Variants in STEAP3 observed in about 807,000 individuals in gnomAD.
STEAP3 encodes STEAP3 metalloreductase.
STEAP3 carries 35 observed loss-of-function variants against 34.9 expected under a neutral mutation model. The ratio of observed to expected loss-of-function variants is 1.00; its 90% CI spans 0.76 to 1.33. The LOEUF (loss-of-function observed/expected upper bound fraction) is 1.33, where lower values mean the gene tolerates loss of function less well. STEAP3 is among the 40% of genes most tolerant of loss of function. The pLI is 0.00. For missense variants in STEAP3, 652 were observed against 667.6 expected (o/e 0.98, Z 0.26); for synonymous variants, 281 against 301.6 (o/e 0.93, Z 0.71).
intron 4 of STEAP3, among the ~76,000 whole-genome samples, chr2:119,249,300 C>A (rs1472888518): frequency 6.6e-6 from 1 of 152,150 alleles, no homozygotes; most frequent in East Asian, 1.9e-4. Context: ...CAGCTGGCAC[C>A]TGTGCCCACA....
intron 5 of STEAP3, among the ~76,000 whole-genome samples, chr2:119,261,976 G>C (rs529693180): frequency 1.2e-4 from 18 of 152,296 alleles, no homozygotes; most frequent in African/African-American, 4.1e-4. Context: ...ATCTCCTCCA[G>C]ATGGAAGAGT....
Position 119,230,634 on chromosome 2 carries a change from T to G in STEAP3, c.-379T>G. 6.3e-6 allele frequency: 2 copies of G among 315,784 alleles called. No homozygotes were observed. The highest frequency in any genetic ancestry group is 1.2e-5 in the Non-Finnish European group (2 of 163,702). 19.6% of individuals were successfully genotyped at this position (315,784 alleles called of 1,614,324 possible). A position where few individuals can be genotyped will look rare whatever the true frequency, so the allele number is the denominator to read the frequency against. ...GCGCGCGTTAGATGACATTTATTCATTTTATGCATCCTGGGTTCTACTGGT... is the reference window on the plus strand; with the variant it reads ...GCGCGCGTTAGATGACATTTATTCAGTTTATGCATCCTGGGTTCTACTGGT... On this transcript the variant is annotated 5_prime_UTR_variant, in exon 2 of 6. Transcript: ENST00000393110.
Position 119,245,594 on chromosome 2 carries a change from T to A in STEAP3, c.128T>A (p.Ile43Asn), listed in dbSNP as rs770498199. ...CCCGATGAGGCCCCCAAAGTGGGCA[T>A]CCTGGGTAGCGGGGACTTTGCCCGC... ...KVPDEAPKVG[I>N]LGSGDFARSL... is the part of the protein sequence containing the mutation. The change falls in exon 3 of 6, where the codon ATC becomes AAC. Residue 43 changes from isoleucine (I) to asparagine (N), a missense_variant. Coordinates refer to ENST00000393110, the MANE Select transcript of STEAP3 (RefSeq NM_182915.3). 15 of 1,607,722 alleles carry A rather than the reference T, an allele frequency of 9.3e-6. No individual in the cohort carries two copies. The South Asian group carries it at 1.5e-4, about 16-fold the overall frequency.
intron 2 of STEAP3, among the ~76,000 whole-genome samples, chr2:119,242,436 T>C (rs1035247901): frequency 6.6e-6 from 1 of 152,080 alleles, no homozygotes; most frequent in Non-Finnish European, 1.5e-5. Context: ...TGAATTCACC[T>C]CGGCCCAAAT....
At position 119,263,364 on chromosome 2, in the gene STEAP3, C is replaced by T. The variant is rs753232184; in HGVS notation, c.*26C>T. On this transcript the variant is annotated 3_prime_UTR_variant, in exon 6 of 6. Transcript: ENST00000393110. ...GGTGCCTGCCCTGGGCTCTGGACCC[C>T]GGGCACACGAGGGACGGTGCCCTGA... 43 of 1,604,146 alleles carry T rather than the reference C, an allele frequency of 2.7e-5. No homozygotes were observed. The highest frequency in any genetic ancestry group is 6.7e-5 in the African/African-American group (5 of 74,628).
In STEAP3 at chr2:119,230,602, T is replaced by G; in HGVS notation, c.-393-18T>G. 5 of 213,238 alleles carry G rather than the reference T, an allele frequency of 2.3e-5. No individual in the cohort carries two copies. Among genetic ancestry groups the G allele is most frequent in the East Asian group, 9.9e-5 (1 of 10,138 alleles). 13.2% of individuals were successfully genotyped at this position (213,238 alleles called of 1,614,324 possible). ...TCTCCCTTTCTCTCTCTCGCTCACG[T>G]GTGTGTGCGCGCGTTAGATGACATT... On this transcript the variant is annotated intron_variant, in intron 1 of 5. Transcript: ENST00000393110.
chr2:119,254,832 A>C lies in STEAP3; in HGVS notation c.1199A>C (p.Glu400Ala), dbSNP rs1266169860. ...PSIANSLNWR[E>A]FSFVQSSLGF... is the part of the protein sequence containing the mutation. Reference sequence around the variant, plus strand: ...ATTGCAAACTCGCTCAACTGGAGGGAGTTCAGCTTCGTTCAGGTAAAGTAG... The same window carrying C: ...ATTGCAAACTCGCTCAACTGGAGGGCGTTCAGCTTCGTTCAGGTAAAGTAG... Residue 400 changes from glutamate (E) to alanine (A), a missense_variant, in exon 5 of 6, where the codon GAG (glutamate) becomes GCG (alanine). Coordinates refer to ENST00000393110, the MANE Select transcript of STEAP3 (RefSeq NM_182915.3). 1.2e-6 allele frequency: 2 copies of C among 1,614,008 alleles called. No homozygotes were observed. Among genetic ancestry groups the C allele is most frequent in the Non-Finnish European group, 1.7e-6 (2 of 1,179,988 alleles).
At chr2:119,240,772 C>G in intron 2 of STEAP3, among the ~76,000 whole-genome samples, 1 of 152,154 alleles carries the variant, frequency 6.6e-6, no homozygotes, top group Non-Finnish European at 1.5e-5. Context: ...CAGGCCTCGG[C>G]CCACAGAGCT....
intron 5 of STEAP3, among the ~76,000 whole-genome samples, chr2:119,257,229 A>G (rs77778432): frequency 0.075 from 11,394 of 152,306 alleles, 442 homozygotes; most frequent in Middle Eastern, 0.12. Context: ...GTTATATGGA[A>G]TTGCTAGTTT....
At chr2:119,254,185 C>T (rs953207846) in intron 4 of STEAP3, among the ~76,000 whole-genome samples, 18 of 151,614 alleles carry the variant, frequency 1.2e-4, no homozygotes, top group Non-Finnish European at 2.2e-4. Flanking sequence ...AAGGTGTGAG[C>T]TCATTGGCTG....
At position 119,247,946 on chromosome 2, in the gene STEAP3, G is replaced by A. The variant is rs767495306; in HGVS notation, c.790G>A (p.Val264Met). 49 of 1,613,444 alleles carry A rather than the reference G, an allele frequency of 3.0e-5. No individual in the cohort carries two copies. Among genetic ancestry groups the A allele is most frequent in the Admixed American group, 5.0e-5 (3 of 60,010 alleles). ...QNKFFKLPVS[V>M]VNTTLPCVAY... ...CAAGTTCTTCAAGCTGCCCGTGTCC[G>A]TGGTCAACACCACACTGCCGTGCGT... The change falls in exon 4 of 6, where the codon GTG becomes ATG. Residue 264 changes from valine (V) to methionine (M), a missense_variant. Transcript: ENST00000393110.
At chr2:119,232,792 GC>G (rs1299792141) in intron 2 of STEAP3, among the ~76,000 whole-genome samples, 2 of 151,952 alleles carry the variant, frequency 1.3e-5, no homozygotes, top group South Asian at 2.1e-4. Context: ...GGGGAGTAGG[GC>G]CCCCCACCAC....
chr2:119,248,254 G>T lies in STEAP3; in HGVS notation c.1050+48G>T. The T allele has an allele frequency of 2.7e-6, 4 of 1,492,692 alleles. No homozygotes were observed. In the Admixed American group the frequency reaches 6.0e-5, roughly 22 times the overall value. 92.5% of individuals were successfully genotyped at this position (1,492,692 alleles called of 1,614,324 possible). ...CCCTCTGGCAACTCAGCACATGCTT[G>T]TCCAGCACCTCCCCCCCCCACCAAC... On this transcript the variant is annotated intron_variant, in intron 4 of 5. Transcript: ENST00000393110.
intron 1 of STEAP3, among the ~76,000 whole-genome samples, 164 bp downstream of exon 1, chr2:119,224,052 C>T (rs1053648654): frequency 6.6e-6 from 1 of 152,236 alleles, no homozygotes; most frequent in African/African-American, 2.4e-5. Context: ...CGCCCGGCGG[C>T]AGAGAAACCG....
chr2:119,261,108 C>T (rs568171921), intron 5 of STEAP3, among the ~76,000 whole-genome samples: 4 of 152,280 alleles, frequency 2.6e-5, no homozygotes, highest in South Asian at 2.1e-4. Context: ...CACTCACTGA[C>T]GTTCACTGTC....
Position 119,230,897 on chromosome 2 carries a change from C to T in STEAP3, c.-116C>T, listed in dbSNP as rs907897032. The stretch of plus-strand genomic sequence containing the variant: ...GCAGGGCCCTCGCCTCCTGAGAAAC[C>T]GAGAGTCAGAACCAAAGCCAGGCTG... On this transcript the variant is annotated 5_prime_UTR_variant, in exon 2 of 6. Coordinates refer to ENST00000393110, the MANE Select transcript of STEAP3 (RefSeq NM_182915.3). 4.0e-5 allele frequency: 58 copies of T among 1,439,698 alleles called. No individual in the cohort carries two copies. The highest frequency in any genetic ancestry group is 3.3e-4 in the African/African-American group (24 of 71,854). The allele number at this position is 1,439,698 out of a possible 1,614,324, so 89.2% of individuals were successfully genotyped here.
intron 1 of STEAP3, among the ~76,000 whole-genome samples, chr2:119,227,822 T>TTATTTA (rs1679088943): frequency 6.6e-6 from 1 of 150,990 alleles, no homozygotes; most frequent in Non-Finnish European, 1.5e-5. Context: ...ATTTATTTAT[T>TTATTTA]TATTTATTTA....
In STEAP3 at chr2:119,231,147, C is replaced by T. The variant is rs542716252; in HGVS notation, c.22+113C>T. On this transcript the variant is annotated intron_variant, in intron 2 of 5. Coordinates refer to ENST00000393110, the MANE Select transcript of STEAP3 (RefSeq NM_182915.3). ...TGCTGGAGGGTGCCCCTTGAATCTC[C>T]AGGAGGTCCGAGGAACTCGACACCT... is the stretch of plus-strand genomic sequence containing the variant. 317 of 1,443,826 alleles carry T rather than the reference C, an allele frequency of 2.2e-4. 1 individual carries two copies. The African/African-American group carries it at 4.0e-3, about 18-fold the overall frequency. The allele number at this position is 1,443,826 out of a possible 1,614,324, so 89.4% of individuals were successfully genotyped here.
intron 4 of STEAP3, among the ~76,000 whole-genome samples, chr2:119,250,135 C>T (rs748044745): frequency 3.3e-5 from 5 of 152,220 alleles, no homozygotes; most frequent in African/African-American, 7.2e-5. Context: ...CTTATACCCA[C>T]GCTGCTTTCT....
Sources: allele counts gnomAD v4.1 joint callset (sites outside exome capture counted in the v4.1 genomes callset), GRCh38; gene constraint gnomAD v4.1.1; transcripts MANE v1.5; gene names NCBI Gene and HGNC (gene_info 2026-07-23, HGNC 2026-07-21).